The following PGD variants were observed in gnomAD, a reference collection of about 807,000 sequenced individuals.
PGD encodes phosphogluconate dehydrogenase.
Under a neutral mutation model 60.4 loss-of-function variants are expected in PGD, and 21 were observed. That is an observed-to-expected ratio of 0.35 (90% CI 0.25 to 0.50). PGD has a LOEUF of 0.50. Ranked by LOEUF, PGD falls within the 20% of genes least tolerant of loss-of-function variation. The pLI, the probability that PGD is intolerant of heterozygous loss-of-function variation, is 0.98. For synonymous variants in PGD, 230 were observed against 235.9 expected, an observed-to-expected ratio of 0.97 and a Z score of 0.23; for missense variants, 477 against 613.1, an observed-to-expected ratio of 0.78 and a Z score of 2.34.
Position 10,419,972 on chromosome 1 carries a change from G to A in PGD, c.*223G>A, listed in dbSNP as rs747951320. 3.5e-4 allele frequency: 191 copies of A among 542,210 alleles called. No homozygotes were observed. Among genetic ancestry groups the A allele is most frequent in the Non-Finnish European group, 5.8e-4 (176 of 303,344 alleles). The allele number at this position is 542,210 out of a possible 1,614,324, so 33.6% of individuals were successfully genotyped here. A position where few individuals can be genotyped will look rare whatever the true frequency, so the allele number is the denominator to read the frequency against. Reference sequence around the variant, plus strand: ...GACTGACCAGGAGCTGCTCATGTGCGTGAGAGTGGGAACCATCTCCTTGCG... The same window carrying A: ...GACTGACCAGGAGCTGCTCATGTGCATGAGAGTGGGAACCATCTCCTTGCG... On this transcript the variant is annotated 3_prime_UTR_variant, in exon 13 of 13. Transcript: ENST00000270776.
At chr1:10,399,960 G>A in intron 2 of PGD, 2 of 564,766 alleles carry the variant, frequency 3.5e-6, no homozygotes, top group South Asian at 2.1e-5. Flanking sequence ...CTTAAGTAGA[G>A]AAGAAGGGTG....
At chr1:10,402,933 G>T (rs144322550) in intron 3 of PGD, 138 bp from the exon 4 acceptor site, 3 of 658,414 alleles carry the variant, frequency 4.6e-6, no homozygotes, top group East Asian at 5.5e-5. Flanking sequence ...AGCCATGTTC[G>T]CACTCCTGCA....
chr1:10,420,015 C>T lies in PGD; in HGVS notation c.*266C>T, dbSNP rs988080032. 2.4e-5 allele frequency: 11 copies of T among 451,106 alleles called. No homozygotes were observed. Among genetic ancestry groups the T allele is most frequent in the African/African-American group, 1.2e-4 (6 of 50,364 alleles). The allele number at this position is 451,106 out of a possible 1,614,324, so 27.9% of individuals were successfully genotyped here. A position where few individuals can be genotyped will look rare whatever the true frequency, so the allele number is the denominator to read the frequency against. On this transcript the variant is annotated 3_prime_UTR_variant, in exon 13 of 13. Transcript: ENST00000270776. ...TCCTTGCGGCAGTGGCTTCCGCGTG[C>T]CCCGTGTGCTGGTGCGGTTCCCATC...
intron 5 of PGD, 55 bp downstream of exon 5, chr1:10,404,334 A>G: frequency 3.5e-6 from 4 of 1,148,682 alleles, no homozygotes; most frequent in Non-Finnish European, 5.0e-6. Context: ...GACTTTGAGA[A>G]CGAATAAGCC....
intron 2 of PGD, 21 bp downstream of exon 2, chr1:10,399,725 G>T: frequency 6.2e-7 from 1 of 1,610,126 alleles, no homozygotes; most frequent in Non-Finnish European, 8.5e-7. Context: ...TGGGCGCGTT[G>T]TCTTCTCTCT....
intron 4 of PGD, among the ~76,000 whole-genome samples, chr1:10,403,609 A>AAAAAAAAAAC: frequency 2.0e-5 from 3 of 151,502 alleles, no homozygotes; most frequent in Non-Finnish European, 4.4e-5. Flanking sequence ...AAAAAAAAAA[A>AAAAAAAAAAC]AGACACTTGG....
At chr1:10,405,877 T>C (rs1300386271) in intron 5 of PGD, among the ~76,000 whole-genome samples, 1 of 152,014 alleles carries the variant, frequency 6.6e-6, no homozygotes, top group Non-Finnish European at 1.5e-5. Context: ...GACGGAGTCT[T>C]GCTCTGTTGC....
At chr1:10,404,607 C>A (rs999840398) in intron 5 of PGD, among the ~76,000 whole-genome samples, 3 of 151,454 alleles carry the variant, frequency 2.0e-5, no homozygotes, top group African/African-American at 7.3e-5. Flanking sequence ...TCAAGCAATT[C>A]TTGTGCGTCA....
chr1:10,410,189 G>T (rs1639476465), intron 6 of PGD, among the ~76,000 whole-genome samples: 1 of 152,122 alleles, frequency 6.6e-6, no homozygotes, highest in Admixed American at 6.5e-5. Flanking sequence ...GGTGGCTCAT[G>T]CCTGGAATCC....
At chr1:10,416,192 CAA>C (rs1461627123) in intron 8 of PGD, among the ~76,000 whole-genome samples, 1 of 152,152 alleles carries the variant, frequency 6.6e-6, no homozygotes, top group Non-Finnish European at 1.5e-5. Flanking sequence ...CTCCTGGGCT[CAA>C]GTGATCCTCC....
chr1:10,411,648 T>G, intron 7 of PGD, 96 bp downstream of exon 7: 15 of 1,397,416 alleles, frequency 1.1e-5, no homozygotes, highest in Non-Finnish European at 1.3e-5. Flanking sequence ...CCCTTGGCCA[T>G]TCGGGTGGCC....
chr1:10,415,106 G>A (rs1053397540), intron 8 of PGD, among the ~76,000 whole-genome samples: 1 of 150,694 alleles, frequency 6.6e-6, no homozygotes, highest in African/African-American at 2.4e-5. Flanking sequence ...AAAAAAAGAA[G>A]CATCTCAAAA....
At chr1:10,406,974 G>A (rs1639418516) in intron 5 of PGD, among the ~76,000 whole-genome samples, 2 of 152,342 alleles carry the variant, frequency 1.3e-5, no homozygotes, top group African/African-American at 4.8e-5. Context: ...AGGAACTTTC[G>A]TATTGCCTGC....
At chr1:10,402,927 A>C (rs1012065130) in intron 3 of PGD, 144 bp from the exon 4 acceptor site, 2 of 646,962 alleles carry the variant, frequency 3.1e-6, no homozygotes, top group Non-Finnish European at 5.7e-6. Flanking sequence ...TCAGTGAGCC[A>C]TGTTCGCACT....
At chr1:10,409,945 C>T (rs929724347) in intron 6 of PGD, among the ~76,000 whole-genome samples, 3 of 152,048 alleles carry the variant, frequency 2.0e-5, no homozygotes, top group Non-Finnish European at 4.4e-5. Flanking sequence ...CGTGAGCCAC[C>T]GCACCCAGCC....
At chr1:10,408,036 TCTC>T in intron 5 of PGD, 32 bp from the exon 6 acceptor site, 2 of 1,316,680 alleles carry the variant, frequency 1.5e-6, no homozygotes, top group Non-Finnish European at 1.1e-6. Flanking sequence ...GCCCGTCTCT[TCTC>T]ATTAACTGAA....
chr1:10,401,564 A>G (rs971891307), intron 3 of PGD, among the ~76,000 whole-genome samples: 2 of 152,224 alleles, frequency 1.3e-5, no homozygotes, highest in East Asian at 3.8e-4. Flanking sequence ...AAGGAAGAAC[A>G]CTGAGTTTAA....
At chr1:10,416,503 T>C (rs762911429) in intron 8 of PGD, among the ~76,000 whole-genome samples, 1 of 152,244 alleles carries the variant, frequency 6.6e-6, no homozygotes, top group Non-Finnish European at 1.5e-5. Context: ...TTCTGGTTGC[T>C]GTGCGAACTT....
intron 5 of PGD, among the ~76,000 whole-genome samples, chr1:10,404,573 C>G (rs1216721378): frequency 6.7e-6 from 1 of 150,122 alleles, no homozygotes; most frequent in Non-Finnish European, 1.5e-5. Context: ...GATCTTAGCT[C>G]ACTGCACCCC....
Sources: gnomAD v4.1 joint callset for allele counts (sites outside exome capture counted in the v4.1 genomes callset) on GRCh38, gnomAD v4.1.1 for gene constraint, MANE v1.5 for transcripts, NCBI Gene and HGNC (gene_info 2026-07-23, HGNC 2026-07-21) for gene names.